MET: variants seen among roughly 807,000 people sequenced by gnomAD.
The protein encoded by MET is MET proto-oncogene, receptor tyrosine kinase, also known as hepatocyte growth factor receptor.
Under a neutral mutation model 133.1 loss-of-function variants are expected in MET, and 48 were observed. That is an observed-to-expected ratio of 0.36 (90% CI 0.29 to 0.46). MET has a LOEUF of 0.46. MET is among the 20% of genes least tolerant of loss of function. The probability of loss-of-function intolerance (pLI) is 1.00; values close to 1 mark genes in which losing one functional copy is unlikely to be tolerated. For synonymous variants in MET, 628 were observed against 616.5 expected, an observed-to-expected ratio of 1.02 and a Z score of -0.28; for missense variants, 1,442 against 1,695.9, an observed-to-expected ratio of 0.85 and a Z score of 2.63.
At chr7:116,734,539 A>C (rs1793141338) in intron 3 of MET, among the ~76,000 whole-genome samples, 2 of 152,266 alleles carry the variant, frequency 1.3e-5, no homozygotes, top group South Asian at 4.1e-4. Flanking sequence ...CCTAACATTT[A>C]ATGATGTGTA....
At chr7:116,687,478 A>G (rs1796603805) in intron 1 of MET, among the ~76,000 whole-genome samples, 1 of 152,196 alleles carries the variant, frequency 6.6e-6, no homozygotes, top group Non-Finnish European at 1.5e-5. Context: ...CTATTCATAT[A>G]CTTTTAATTC....
At chr7:116,696,228 T>C (rs1404249213) in intron 1 of MET, among the ~76,000 whole-genome samples, 5 of 152,098 alleles carry the variant, frequency 3.3e-5, no homozygotes, top group Admixed American at 2.6e-4. Flanking sequence ...TCCAGTCGAG[T>C]TGGTCTCCCT....
At chr7:116,737,606 A>T (rs1337999042) in intron 3 of MET, among the ~76,000 whole-genome samples, 2 of 152,160 alleles carry the variant, frequency 1.3e-5, no homozygotes, top group African/African-American at 4.8e-5. Flanking sequence ...AAATAATAGT[A>T]CCTACCTTAT....
rs1489290055 is a variant in MET at position 116,722,905 on chromosome 7, G to T, written c.1201-8763G>T. Among the ~76,000 whole-genome samples, 4 of 148,502 alleles carry T rather than the reference G, an allele frequency of 2.7e-5. No homozygotes were observed. In the South Asian group the frequency reaches 8.6e-4, roughly 32 times the overall value. Reference sequence around the variant, plus strand: ...GGTAACCCGACCTTTCTCTCTGGCTGCCCTTAACATTTTTTCCTTCATTTC... The same window carrying T: ...GGTAACCCGACCTTTCTCTCTGGCTTCCCTTAACATTTTTTCCTTCATTTC... On this transcript the variant is annotated intron_variant, in intron 2 of 20. Transcript: ENST00000397752.
intron 2 of MET, among the ~76,000 whole-genome samples, chr7:116,724,439 CACGCTGGGAGCTG>C (rs1792655591): frequency 6.6e-6 from 1 of 152,260 alleles, no homozygotes; most frequent in African/African-American, 2.4e-5. Flanking sequence ...CTGCGTCGCT[CACGCTGGGAGCTG>C]TAGACCGGAG....
chr7:116,721,191 T>A (rs895391980), intron 2 of MET, among the ~76,000 whole-genome samples: 1 of 152,224 alleles, frequency 6.6e-6, no homozygotes, highest in Non-Finnish European at 1.5e-5. Flanking sequence ...TCACAGATTC[T>A]ACTTCTTCCT....
chr7:116,698,743 TAAGA>T (rs775176900), intron 1 of MET, among the ~76,000 whole-genome samples: 1 of 152,208 alleles, frequency 6.6e-6, no homozygotes, highest in Non-Finnish European at 1.5e-5. Flanking sequence ...AGCAAGGGGT[TAAGA>T]AAGAAAGTTG....
chr7:116,774,389 A>T (rs1794925975), intron 14 of MET, among the ~76,000 whole-genome samples: 1 of 152,228 alleles, frequency 6.6e-6, no homozygotes, highest in African/African-American at 2.4e-5. Context: ...CAGTTTTGGG[A>T]ATATAGCCAT....
At chr7:116,781,950 T>C (rs2117059104) in intron 17 of MET, 38 bp from the exon 18 acceptor site, 1 of 1,230,304 alleles carries the variant, frequency 8.1e-7, no homozygotes, top group Non-Finnish European at 1.2e-6. Flanking sequence ...GAACAGTAGA[T>C]GCTTAGTTTA....
intron 2 of MET, among the ~76,000 whole-genome samples, chr7:116,709,507 A>G (rs1381789805): frequency 6.6e-6 from 1 of 152,156 alleles, no homozygotes; most frequent in Non-Finnish European, 1.5e-5. Flanking sequence ...GTGTAAAAAG[A>G]TGTGTGAGGC....
In MET at chr7:116,780,897, T is replaced by G. The variant is rs1056831602; in HGVS notation, c.3523-1091T>G. 3.3e-5 allele frequency among the ~76,000 whole-genome samples: 5 copies of G among 152,344 alleles called. 1 individual carries two copies. The South Asian group carries it at 1.0e-3, about 32-fold the overall frequency. On this transcript the variant is annotated intron_variant, in intron 17 of 20. Transcript: ENST00000397752. ...CTGAGCCTCCTCTATTCACTGTGCT[T>G]CTGATGTTCTAACATCTTGGGCCTT...
chr7:116,783,372 A>G lies in MET; in HGVS notation c.3701A>G (p.Tyr1234Cys), dbSNP rs1554400286. 1 of 1,614,146 alleles carries G rather than the reference A, an allele frequency of 6.2e-7. No homozygotes were observed. The highest frequency in any genetic ancestry group is 8.5e-7 in the Non-Finnish European group (1 of 1,180,002). ...GCCAGAGACATGTATGATAAAGAAT[A>G]CTATAGTGTACACAACAAAACAGGT... is the stretch of plus-strand genomic sequence containing the variant. The part of the protein sequence containing the change: ...GLARDMYDKE[Y>C]YSVHNKTGAK... The change falls in exon 19 of 21, where the codon TAC (tyrosine) becomes TGC (cysteine). Residue 1234 changes from tyrosine to cysteine, a missense_variant. By Grantham distance (194) the Tyr-to-Cys change is radical. Around this residue, in one of 6 missense-constraint regions of MET, gnomAD observed 38 missense variants for 40.6 expected, o/e 0.94. Transcript: ENST00000397752.
intron 1 of MET, among the ~76,000 whole-genome samples, chr7:116,687,708 T>C (rs887300951): frequency 1.3e-5 from 2 of 152,218 alleles, no homozygotes; most frequent in Non-Finnish European, 1.5e-5. Context: ...CTTGCAAACA[T>C]TGATTTCCAA....
chr7:116,770,311 C>G (rs1458061908), intron 12 of MET, among the ~76,000 whole-genome samples: 1 of 152,084 alleles, frequency 6.6e-6, no homozygotes, highest in East Asian at 1.9e-4. Flanking sequence ...TTTTTAGCAG[C>G]TTTATTGTGA....
At chr7:116,749,369 T>G (rs1334111816) in intron 5 of MET, among the ~76,000 whole-genome samples, 1 of 152,126 alleles carries the variant, frequency 6.6e-6, no homozygotes, top group Non-Finnish European at 1.5e-5. Context: ...ACACGATTAT[T>G]GCAATAGATG....
chr7:116,712,296 T>C (rs1792031273), intron 2 of MET, among the ~76,000 whole-genome samples: 1 of 152,196 alleles, frequency 6.6e-6, no homozygotes, highest in Admixed American at 6.5e-5. Context: ...CCCCATATTC[T>C]GGATTTGTTG....
At position 116,699,902 on chromosome 7, in the gene MET, C is replaced by T. The variant is rs368144654; in HGVS notation, c.818C>T (p.Thr273Ile). The change falls in exon 2 of 21, where the codon ACT becomes ATT. Residue 273 changes from threonine (T) to isoleucine (I), a missense_variant. Thr to Ile is a moderately conservative substitution (Grantham distance 89). Around this residue, in one of 6 missense-constraint regions of MET, gnomAD observed 762 missense variants for 792.4 expected, o/e 0.96. Transcript: ENST00000397752. ...CAAAGGGAAACTCTAGATGCTCAGA[C>T]TTTTCACACAAGAATAATCAGGTTC... ...TVQRETLDAQ[T>I]FHTRIIRFCS... is the part of the protein sequence containing the mutation. The T allele has an allele frequency of 1.2e-6, 2 of 1,614,084 alleles. No individual in the cohort carries two copies. Among genetic ancestry groups the T allele is most frequent in the East Asian group, 2.2e-5 (1 of 44,886 alleles).
rs767267441 is a variant in MET, at chr7:116,795,914, C to T, written c.3963C>T (p.His1321=). The change falls in exon 21 of 21, where the codon CAC becomes CAT. Residue 1321 remains histidine (H), a synonymous_variant. Transcript: ENST00000397752. ...ATGAAGTAATGCTAAAATGCTGGCA[C>T]CCTAAAGCCGAAATGCGCCCATCCT... ...PLYEVMLKCW[H]PKAEMRPSFS... 6.2e-7 allele frequency: 1 copy of T among 1,614,186 alleles called. No individual in the cohort carries two copies. The highest frequency in any genetic ancestry group is 1.7e-5 in the Admixed American group (1 of 60,028).
At position 116,708,627 on chromosome 7, in the gene MET, T is replaced by A. The variant is rs971853548; in HGVS notation, c.1200+8343T>A. Among the ~76,000 whole-genome samples the A allele has an allele frequency of 6.6e-5, 10 of 152,194 alleles. No homozygotes were observed. The East Asian group carries it at 1.9e-3, about 29-fold the overall frequency. On this transcript the variant is annotated intron_variant, in intron 2 of 20. Coordinates refer to ENST00000397752, the MANE Select transcript of MET (RefSeq NM_000245.4). ...TCTTCTTCATATGAAGAAAATAATA[T>A]GTAGATTACTAGAAGCTAAGAACAT...
Sources: gnomAD v4.1 joint callset for allele counts (sites outside exome capture counted in the v4.1 genomes callset) on GRCh38, gnomAD v4.1.1 for gene constraint, gnomAD v4.1.1 regional missense constraint, MANE v1.5 for transcripts, NCBI Gene and HGNC (gene_info 2026-07-23, HGNC 2026-07-21) for gene names.